METTL3: variants seen among roughly 807,000 people sequenced by gnomAD.
The protein encoded by METTL3 is methyltransferase 3, N6-adenosine-methyltransferase complex catalytic subunit.
In METTL3, 42 loss-of-function variants were observed where a neutral mutation model predicts 64.3. That is an observed-to-expected ratio of 0.65 (90% CI 0.51 to 0.84). METTL3 has a LOEUF of 0.84. Ranked by LOEUF, METTL3 falls within the 40% of genes least tolerant of loss-of-function variation. The probability of loss-of-function intolerance (pLI) is 0.00; values close to 1 mark genes in which losing one functional copy is unlikely to be tolerated. For synonymous variants in METTL3, 256 were observed against 263.6 expected (o/e 0.97, Z 0.28); for missense variants, 435 against 722.3 (o/e 0.60, Z 4.56).
At position 21,503,373 on chromosome 14, in the gene METTL3, C is replaced by T. The variant is rs868627747; in HGVS notation, c.523G>A (p.Gly175Arg). The change falls in exon 3 of 11, where the codon GGG becomes AGG. Residue 175 changes from glycine (G) to arginine (R), a missense_variant. Physicochemically the swap from Gly to Arg is moderately radical, Grantham distance 125. Transcript: ENST00000298717. ...GPGEVAGTVT[G>R]QKRRAEQDST... The stretch of plus-strand genomic sequence containing the variant: ...TCCTGTTCTGCACGCCGCTTCTGCC[C>T]TGTGACAGTCCCTGCTACCTCCCCA... 6.2e-7 allele frequency: 1 copy of T among 1,614,192 alleles called. No homozygotes were observed. Among genetic ancestry groups the T allele is most frequent in the African/African-American group, 1.3e-5 (1 of 75,038 alleles).
chr14:21,499,191 CCTTT>C (rs1891491624), intron 9 of METTL3, 54 bp from the exon 10 acceptor site: 2 of 1,579,666 alleles, frequency 1.3e-6, no homozygotes, highest in South Asian at 1.1e-5. Flanking sequence ...CAATTCTAGC[CCTTT>C]CTATTATGTT....
At chr14:21,503,931 A>C (rs756983064) in intron 1 of METTL3, 50 bp from the exon 2 acceptor site, 1 of 1,553,686 alleles carries the variant, frequency 6.4e-7, no homozygotes, top group Non-Finnish European at 8.8e-7. Context: ...CTGTTGGTCT[A>C]TATATTTCTG....
In METTL3 at chr14:21,501,742, G is replaced by C; in HGVS notation, c.885C>G (p.Arg295=). 6.2e-7 allele frequency: 1 copy of C among 1,614,186 alleles called. No homozygotes were observed. Among genetic ancestry groups the C allele is most frequent in the Non-Finnish European group, 8.5e-7 (1 of 1,180,016 alleles). The change falls in exon 4 of 11, where the codon CGC becomes CGG. Residue 295 remains arginine (R), a synonymous_variant. Coordinates refer to ENST00000298717, the MANE Select transcript of METTL3 (RefSeq NM_019852.5). ...TTCCAAGAGACCTGAAGTGCAGCTT[G>C]CGACAGGGTCGATCAGCATCACTGG... ...MKASDADRPC[R]KLHFRRIINK...
chr14:21,509,603 G>A lies in METTL3; in HGVS notation c.100+1521C>T, dbSNP rs1164804980. 2.0e-5 allele frequency: 3 copies of A among 152,022 alleles called. 1 individual carries two copies. The highest frequency in any genetic ancestry group is 2.9e-5 in the Non-Finnish European group (2 of 68,028). 9.4% of individuals were successfully genotyped at this position (152,022 alleles called of 1,614,324 possible). ...TATTAAAAAGTTAAAAATTAGCCAGGCATGGTGGCATGCACCTGTAGTCCT... is the reference window on the plus strand; with the variant it reads ...TATTAAAAAGTTAAAAATTAGCCAGACATGGTGGCATGCACCTGTAGTCCT... On this transcript the variant is annotated intron_variant, in intron 1 of 10. Coordinates refer to ENST00000298717, the MANE Select transcript of METTL3 (RefSeq NM_019852.5).
intron 1 of METTL3, among the ~76,000 whole-genome samples, chr14:21,508,666 G>A (rs1032125789): frequency 5.3e-5 from 8 of 152,076 alleles, no homozygotes; most frequent in African/African-American, 1.7e-4. Flanking sequence ...AAACTGAGGC[G>A]GGCAGATCAG....
intron 1 of METTL3, chr14:21,507,963 T>TTA (rs1263300494): frequency 6.6e-6 from 1 of 152,050 alleles, no homozygotes; most frequent in Non-Finnish European, 1.5e-5. Flanking sequence ...AAAAATACTT[T>TTA]TATAAGAGTC....
chr14:21,499,792 A>G lies in METTL3; in HGVS notation c.1315T>C (p.Leu439=), dbSNP rs1465069712. The G allele has an allele frequency of 1.9e-6, 3 of 1,613,174 alleles. No individual in the cohort carries two copies. The East Asian group carries it at 6.7e-5, about 36-fold the overall frequency. Residue 439 remains leucine, a synonymous_variant, in exon 7 of 11, where the codon TTG becomes CTG. Transcript: ENST00000298717. ...CAGAGGTTTAGACATTCTCTCCCCAACTCCATGGCCCTAGAAAGAAATGAG... is the reference window on the plus strand; with the variant it reads ...CAGAGGTTTAGACATTCTCTCCCCAGCTCCATGGCCCTAGAAAGAAATGAG... ...FLWVTGRAME[L]GRECLNLWGY... is the part of the protein sequence containing the mutation.
At chr14:21,501,485 A>G in intron 4 of METTL3, 1 of 581,416 alleles carries the variant, frequency 1.7e-6, no homozygotes, top group Non-Finnish European at 3.0e-6. Context: ...TCAGAGACAG[A>G]CATACTTTGC....
intron 1 of METTL3, chr14:21,508,249 C>T (rs1255528469): frequency 6.6e-6 from 1 of 151,526 alleles, no homozygotes; most frequent in Non-Finnish European, 1.5e-5. Context: ...GGTAACAGAA[C>T]GAGATTCTTA....
Position 21,498,290 on chromosome 14 carries a change from C to T in METTL3, c.1711G>A (p.Asp571Asn). 1 of 1,612,776 alleles carries T rather than the reference C, an allele frequency of 6.2e-7. No individual in the cohort carries two copies. Among genetic ancestry groups the T allele is most frequent in the Non-Finnish European group, 8.5e-7 (1 of 1,178,724 alleles). Residue 571 changes from aspartate (D) to asparagine (N), a missense_variant, in exon 11 of 11, where the codon GAT (aspartate) becomes AAT (asparagine). Physicochemically the swap from Asp to Asn is conservative, Grantham distance 23. This residue lies in a region of METTL3 where 20 missense variants were observed against 26.2 expected (regional missense o/e 0.76). Coordinates refer to ENST00000298717, the MANE Select transcript of METTL3 (RefSeq NM_019852.5). ...VVARFKQRYP[D>N]GIISKPKNL ...TTCTTAGGTTTAGAGATGATACCAT[C>T]TGGGTACCTTTGCTTGAACCGTGCA...
chr14:21,505,473 T>A (rs1399891339), intron 1 of METTL3, among the ~76,000 whole-genome samples: 1 of 152,234 alleles, frequency 6.6e-6, no homozygotes, highest in Non-Finnish European at 1.5e-5. Flanking sequence ...TAATAACACC[T>A]CCTGGGAGGT....
At chr14:21,511,051 C>T (rs1414085141) in intron 1 of METTL3, 73 bp downstream of exon 1, 2 of 1,545,812 alleles carry the variant, frequency 1.3e-6, no homozygotes, top group Non-Finnish European at 1.7e-6. Context: ...GGCAGTGACT[C>T]TGGAGCTTTT....
intron 10 of METTL3, 168 bp from the exon 11 acceptor site, chr14:21,498,537 T>C: frequency 1.5e-6 from 1 of 649,744 alleles, no homozygotes. Context: ...TAGTTCAGAA[T>C]TGGCATAGAT....
intron 10 of METTL3, 194 bp downstream of exon 10, chr14:21,498,831 C>T (rs772152060): frequency 8.8e-6 from 5 of 569,536 alleles, no homozygotes; most frequent in African/African-American, 1.9e-5. Flanking sequence ...GCTTTTGGGT[C>T]CTAGAACCTG....
chr14:21,510,104 C>CAT (rs1891797098), intron 1 of METTL3, among the ~76,000 whole-genome samples: 1 of 152,210 alleles, frequency 6.6e-6, no homozygotes, highest in Admixed American at 6.5e-5. Context: ...TGGTTTCGTA[C>CAT]ATATATCTTA....
Position 21,503,307 on chromosome 14 carries a change from C to T in METTL3, c.589G>A (p.Gly197Ser), listed in dbSNP as rs1202476895. 10 of 1,614,128 alleles carry T rather than the reference C, an allele frequency of 6.2e-6. No homozygotes were observed. The highest frequency in any genetic ancestry group is 8.5e-6 in the Non-Finnish European group (10 of 1,180,030). Reference sequence around the variant, plus strand: ...GGTTCCGATGCTGAAGAGTTCAGACCAGAGACTAACGAACTGGCAAAGGCA... The same window carrying T: ...GGTTCCGATGCTGAAGAGTTCAGACTAGAGACTAACGAACTGGCAAAGGCA... ...VAAFASSLVSGLNSSASEPAK... is the reference protein window; with the variant it reads ...VAAFASSLVSSLNSSASEPAK... Residue 197 changes from glycine (G) to serine (S), a missense_variant, in exon 3 of 11, where the codon GGT (glycine) becomes AGT (serine). Around this residue, in one of 9 missense-constraint regions of METTL3, gnomAD observed 228 missense variants for 279.6 expected, o/e 0.82. Transcript: ENST00000298717.
At chr14:21,503,018 C>T (rs924092509) in intron 3 of METTL3, 155 bp downstream of exon 3, 216 of 834,126 alleles carry the variant, frequency 2.6e-4, no homozygotes, top group African/African-American at 8.3e-4. Flanking sequence ...AAAATGTCTC[C>T]GGACATTACC....
At position 21,498,471 on chromosome 14, in the gene METTL3, CA is replaced by C. The variant is rs1272999509; in HGVS notation, c.1632-103del. On this transcript the variant is annotated intron_variant, in intron 10 of 10. Coordinates refer to ENST00000298717, the MANE Select transcript of METTL3 (RefSeq NM_019852.5). ...AAATGAAGACTGCCTATCATCATAT[CA>C]AATATGCCAATTCTAAAAAGAGCTT... is the stretch of plus-strand genomic sequence containing the variant. 62 of 1,035,404 alleles carry C rather than the reference CA, an allele frequency of 6.0e-5. No homozygotes were observed. In the East Asian group the frequency reaches 1.5e-3, roughly 25 times the overall value. The allele number at this position is 1,035,404 out of a possible 1,614,324, so 64.1% of individuals were successfully genotyped here. A position where few individuals can be genotyped will look rare whatever the true frequency, so the allele number is the denominator to read the frequency against.
At chr14:21,506,930 G>A (rs192885489) in intron 1 of METTL3, among the ~76,000 whole-genome samples, 32 of 152,172 alleles carry the variant, frequency 2.1e-4, no homozygotes, top group African/African-American at 7.5e-4. Flanking sequence ...ACAAGCACCT[G>A]CCACCACACC....
Sources: gnomAD v4.1 joint callset for allele counts (sites outside exome capture counted in the v4.1 genomes callset) on GRCh38, gnomAD v4.1.1 for gene constraint, gnomAD v4.1.1 regional missense constraint, MANE v1.5 for transcripts, NCBI Gene and HGNC (gene_info 2026-07-23, HGNC 2026-07-21) for gene names.